Variants in TAFA1 observed in about 807,000 individuals in gnomAD.
TAFA1 encodes chemokine-like protein TAFA-1.
In TAFA1, 4 loss-of-function variants were observed where a neutral mutation model predicts 18.5. The observed-to-expected ratio is 0.22, with a 90% CI of 0.11 to 0.49. TAFA1 has a LOEUF of 0.49. TAFA1 is among the 20% of genes least tolerant of loss of function. The pLI is 0.98. For missense variants in TAFA1, 147 were observed against 169.0 expected (o/e 0.87, Z 0.72); for synonymous variants, 56 against 55.2 (o/e 1.01, Z -0.06).
chr3:68,257,852 A>G (rs1245182104), intron 2 of TAFA1, among the ~76,000 whole-genome samples: 1 of 152,158 alleles, frequency 6.6e-6, no homozygotes, highest in Non-Finnish European at 1.5e-5. Flanking sequence ...AACATATCCA[A>G]TGATAAGTTA....
chr3:68,450,808 G>A (rs1575878355), intron 3 of TAFA1, among the ~76,000 whole-genome samples: 1 of 152,122 alleles, frequency 6.6e-6, no homozygotes, highest in African/African-American at 2.4e-5. Context: ...ATGTAGTCAT[G>A]TCTGTAGTCA....
chr3:68,198,000 T>C (rs184563809), intron 2 of TAFA1, among the ~76,000 whole-genome samples: 4 of 151,858 alleles, frequency 2.6e-5, no homozygotes, highest in Non-Finnish European at 3.0e-5. Flanking sequence ...GGGCTTACCA[T>C]GTAAAAGTTG....
chr3:68,327,635 A>G (rs1456404300), intron 2 of TAFA1, among the ~76,000 whole-genome samples: 3 of 152,182 alleles, frequency 2.0e-5, no homozygotes, highest in Non-Finnish European at 1.5e-5. Context: ...CAATTCATAT[A>G]AATCCTTGGC....
chr3:68,106,345 T>A (rs778276791), intron 2 of TAFA1, among the ~76,000 whole-genome samples: 2 of 152,150 alleles, frequency 1.3e-5, no homozygotes, highest in Non-Finnish European at 2.9e-5. Context: ...TTCTGTCCAA[T>A]GCAGTAGCCA....
At chr3:68,389,208 A>C (rs2070172040) in intron 2 of TAFA1, among the ~76,000 whole-genome samples, 1 of 152,128 alleles carries the variant, frequency 6.6e-6, no homozygotes, top group Non-Finnish European at 1.5e-5. Context: ...CTTGGCCTTG[A>C]TTTACAAATG....
rs568976112 is a variant in TAFA1, at chr3:68,343,947, G to A, written c.119-73333G>A. 2.0e-5 allele frequency among the ~76,000 whole-genome samples: 3 copies of A among 152,216 alleles called. No homozygotes were observed. The East Asian group carries it at 5.8e-4, about 30-fold the overall frequency. ...CAACCTCTGCCTCCTGGGTTCAAGC[G>A]ATTCTTCTGCCTCAGCCTCCCGAGT... On this transcript the variant is annotated intron_variant, in intron 2 of 4. Coordinates refer to ENST00000478136, the MANE Select transcript of TAFA1 (RefSeq NM_213609.4).
At chr3:68,101,734 C>T (rs1271052459) in intron 2 of TAFA1, among the ~76,000 whole-genome samples, 6 of 152,112 alleles carry the variant, frequency 3.9e-5, no homozygotes, top group Non-Finnish European at 7.3e-5. Flanking sequence ...CTATTGGAGA[C>T]GGTTTCTCTT....
chr3:68,394,554 T>C (rs1029229078), intron 2 of TAFA1, among the ~76,000 whole-genome samples: 4 of 152,150 alleles, frequency 2.6e-5, no homozygotes, highest in African/African-American at 7.2e-5. Flanking sequence ...CTTCAAACCA[T>C]ACTGCAAGAC....
chr3:68,264,342 G>A (rs566788342), intron 2 of TAFA1, among the ~76,000 whole-genome samples: 1 of 152,182 alleles, frequency 6.6e-6, no homozygotes, highest in African/African-American at 2.4e-5. Context: ...GGCAAATATT[G>A]GGCACACAGA....
intron 2 of TAFA1, among the ~76,000 whole-genome samples, chr3:68,261,674 C>A (rs954728542): frequency 1.3e-5 from 2 of 152,138 alleles, no homozygotes; most frequent in South Asian, 2.1e-4. Flanking sequence ...GGACAAAAAA[C>A]CAAACACCAC....
intron 2 of TAFA1, among the ~76,000 whole-genome samples, chr3:68,006,997 T>C (rs1037398421): frequency 6.6e-6 from 1 of 152,204 alleles, no homozygotes; most frequent in African/African-American, 2.4e-5. Context: ...CCTTGAAAAG[T>C]AGAAGTCATC....
At chr3:68,185,301 A>T (rs1041019605) in intron 2 of TAFA1, among the ~76,000 whole-genome samples, 2 of 152,144 alleles carry the variant, frequency 1.3e-5, no homozygotes, top group African/African-American at 4.8e-5. Flanking sequence ...GGGAGCCAAC[A>T]TCAATAAAGA....
At chr3:68,210,352 A>G (rs2107064908) in intron 2 of TAFA1, among the ~76,000 whole-genome samples, 1 of 152,068 alleles carries the variant, frequency 6.6e-6, no homozygotes, top group East Asian at 2.0e-4. Context: ...AGGTATTCTC[A>G]CCATGGTTAT....
intron 2 of TAFA1, among the ~76,000 whole-genome samples, chr3:68,114,759 C>T (rs1212459572): frequency 6.6e-6 from 1 of 152,078 alleles, no homozygotes; most frequent in African/African-American, 2.4e-5. Context: ...TATGAGTGTT[C>T]ATATCAGTAT....
chr3:68,326,581 T>A (rs1331997204), intron 2 of TAFA1, among the ~76,000 whole-genome samples: 1 of 152,204 alleles, frequency 6.6e-6, no homozygotes, highest in Non-Finnish European at 1.5e-5. Context: ...TGTTAGCCAT[T>A]GTGTTATCAG....
chr3:68,505,550 G>A (rs910850238), intron 3 of TAFA1, among the ~76,000 whole-genome samples: 1 of 152,170 alleles, frequency 6.6e-6, no homozygotes, highest in African/African-American at 2.4e-5. Context: ...TTACCAGGGT[G>A]CAATCAGTGC....
chr3:68,533,381 ATG>A (rs2073219532), intron 3 of TAFA1, among the ~76,000 whole-genome samples: 1 of 152,162 alleles, frequency 6.6e-6, no homozygotes, highest in East Asian at 1.9e-4. Flanking sequence ...TGAGAACAGT[ATG>A]GGGGAAACCG....
chr3:68,471,760 A>C (rs1203574946), intron 3 of TAFA1, among the ~76,000 whole-genome samples: 2 of 152,134 alleles, frequency 1.3e-5, no homozygotes, highest in Non-Finnish European at 2.9e-5. Flanking sequence ...TCACAGACAC[A>C]CCAAGGAACA....
In TAFA1 at chr3:68,402,859, C is replaced by T. The variant is rs139525381; in HGVS notation, c.119-14421C>T. ...GTGAAGGCCTTGGAAATGGCTCCAC[C>T]CAATAGTTATTTGTAAACATATTTG... On this transcript the variant is annotated intron_variant, in intron 2 of 4. Transcript: ENST00000478136. Among the ~76,000 whole-genome samples, 316 of 152,212 alleles carry T rather than the reference C, an allele frequency of 2.1e-3. 1 individual carries two copies. Among genetic ancestry groups the T allele is most frequent in the Non-Finnish European group, 3.4e-3 (229 of 68,012 alleles).
Sources: gnomAD v4.1 joint callset for allele counts (sites outside exome capture counted in the v4.1 genomes callset) on GRCh38, gnomAD v4.1.1 for gene constraint, MANE v1.5 for transcripts, NCBI Gene and HGNC (gene_info 2026-07-23, HGNC 2026-07-21) for gene names.